CABIN1: variants seen among roughly 807,000 people sequenced by gnomAD.
The protein encoded by CABIN1 is calcineurin-binding protein cabin-1.
In CABIN1, 133 loss-of-function variants were observed where a neutral mutation model predicts 227.7. The ratio of observed to expected loss-of-function variants is 0.58; its 90% confidence interval spans 0.51 to 0.67. CABIN1 has a LOEUF of 0.67. Ranked by LOEUF, CABIN1 falls within the 30% of genes least tolerant of loss-of-function variation. The pLI is 0.00. For missense variants in CABIN1, 2,408 were observed against 2,852.5 expected (o/e 0.84, Z 3.55); for synonymous variants, 1,086 against 1,155.1 (o/e 0.94, Z 1.21).
rs370315046 is a variant in CABIN1 at position 24,168,411 on chromosome 22, C to T, written c.5683-36C>T. ...GGCTGGGGGAGGCTAACCACAATGG[C>T]CTGCGCCCCCTGACTTCCAGCATCT... On this transcript the variant is annotated intron_variant, in intron 32 of 36. Transcript: ENST00000263119. 2.7e-5 allele frequency: 42 copies of T among 1,549,632 alleles called. 1 individual carries two copies. The highest frequency in any genetic ancestry group is 1.7e-4 in the East Asian group (7 of 41,206).
intron 32 of CABIN1, 101 bp downstream of exon 32, chr22:24,167,414 CG>C: frequency 8.4e-7 from 1 of 1,192,270 alleles, no homozygotes; most frequent in Non-Finnish European, 1.2e-6. Context: ...GCCCTTGGGG[CG>C]GGTTTTAGGT....
At chr22:24,074,176 C>T (rs6004055) in intron 18 of CABIN1, among the ~76,000 whole-genome samples, 3 of 151,682 alleles carry the variant, frequency 2.0e-5, no homozygotes, top group Non-Finnish European at 2.9e-5. Context: ...AAAAATAACA[C>T]GAAAAGACTT....
At chr22:24,017,860 C>T (rs111870981) in intron 1 of CABIN1, among the ~76,000 whole-genome samples, 2,074 of 151,870 alleles carry the variant, frequency 0.014, 45 homozygotes, top group African/African-American at 0.047. Context: ...TGCTGTGTCC[C>T]TCAGTTGTAA....
chr22:24,059,199 C>G (rs775565562), intron 10 of CABIN1, 28 bp from the exon 11 acceptor site: 4 of 1,613,942 alleles, frequency 2.5e-6, no homozygotes, highest in Admixed American at 1.7e-5. Context: ...TGTGTTGTGA[C>G]TTTGTGATTT....
chr22:24,023,271 C>A (rs1199974631), intron 1 of CABIN1, among the ~76,000 whole-genome samples: 1 of 152,136 alleles, frequency 6.6e-6, no homozygotes, highest in East Asian at 1.9e-4. Flanking sequence ...TATTTGTATA[C>A]CACATTTTGT....
chr22:24,129,691 C>G (rs997865758), intron 28 of CABIN1, among the ~76,000 whole-genome samples: 1 of 152,208 alleles, frequency 6.6e-6, no homozygotes, highest in African/African-American at 2.4e-5. Flanking sequence ...GACAGCAGAC[C>G]CATCTGCGAG....
chr22:24,029,384 C>T (rs1045278051), intron 1 of CABIN1, among the ~76,000 whole-genome samples: 7 of 151,922 alleles, frequency 4.6e-5, no homozygotes, highest in African/African-American at 1.5e-4. Context: ...CCCGTCTCTA[C>T]AAAAAAACAA....
Position 24,049,177 on chromosome 22 carries a change from C to G in CABIN1, c.613C>G (p.Gln205Glu). ...LVLKEKIFEEQPCLRKDSLRM... is the reference protein window; with the variant it reads ...LVLKEKIFEEEPCLRKDSLRM... ...CCTCAAGGAGAAGATTTTTGAGGAG[C>G]AGCCTTGTCTCCGGAAGGACTCTCT... Residue 205 changes from glutamine (Q) to glutamate (E), a missense_variant, in exon 7 of 37, where the codon CAG (glutamine) becomes GAG (glutamate). This residue lies in a region of CABIN1 where 1,045 missense variants were observed against 1,168.4 expected (regional missense o/e 0.89). Coordinates refer to ENST00000263119, the MANE Select transcript of CABIN1 (RefSeq NM_012295.4). 2 of 1,614,108 alleles carry G rather than the reference C, an allele frequency of 1.2e-6. No individual in the cohort carries two copies. The highest frequency in any genetic ancestry group is 3.3e-5 in the Admixed American group (2 of 60,032).
chr22:24,026,200 C>A (rs971523765), intron 1 of CABIN1, among the ~76,000 whole-genome samples: 2 of 152,174 alleles, frequency 1.3e-5, no homozygotes, highest in African/African-American at 4.8e-5. Context: ...CCTCAAACTC[C>A]TGGGCTCAAG....
chr22:24,053,588 A>G (rs1353203087), intron 8 of CABIN1, among the ~76,000 whole-genome samples: 1 of 151,896 alleles, frequency 6.6e-6, no homozygotes, highest in Non-Finnish European at 1.5e-5. Flanking sequence ...CATGTTGGTC[A>G]GGCAGGTCTC....
At chr22:24,024,589 A>G (rs1333904388) in intron 1 of CABIN1, among the ~76,000 whole-genome samples, 1 of 152,116 alleles carries the variant, frequency 6.6e-6, no homozygotes, top group African/African-American at 2.4e-5. Flanking sequence ...TTCAGCCATT[A>G]TTTCTTCGAA....
intron 33 of CABIN1, among the ~76,000 whole-genome samples, chr22:24,169,306 G>T (rs916827592): frequency 6.6e-6 from 1 of 152,134 alleles, no homozygotes; most frequent in Admixed American, 6.5e-5. Context: ...GTCCCCAGGG[G>T]TGTCCCGATG....
intron 29 of CABIN1, among the ~76,000 whole-genome samples, chr22:24,160,850 T>C (rs756757113): frequency 1.3e-4 from 20 of 152,240 alleles, no homozygotes; most frequent in Admixed American, 6.5e-4. Flanking sequence ...CCCTCATAAA[T>C]GGACAGGGCA....
At chr22:24,051,012 C>T (rs1202779160) in intron 8 of CABIN1, 38 bp downstream of exon 8, 2 of 1,613,358 alleles carry the variant, frequency 1.2e-6, no homozygotes, top group Middle Eastern at 1.7e-4. Flanking sequence ...CTGGGTCGGC[C>T]AGTAGGCCCT....
chr22:24,143,967 G>T (rs920834924), intron 29 of CABIN1, among the ~76,000 whole-genome samples: 1 of 152,210 alleles, frequency 6.6e-6, no homozygotes, highest in African/African-American at 2.4e-5. Context: ...TCTGGGTGCC[G>T]GGAGAGAATG....
intron 29 of CABIN1, among the ~76,000 whole-genome samples, chr22:24,136,413 C>T (rs990066031): frequency 2.9e-5 from 4 of 137,212 alleles, no homozygotes; most frequent in African/African-American, 1.1e-4. Context: ...AGTGCAGTGG[C>T]GTAATCTTGG....
chr22:24,034,817 T>A (rs1465222424), intron 1 of CABIN1, among the ~76,000 whole-genome samples: 1 of 152,220 alleles, frequency 6.6e-6, no homozygotes, highest in Non-Finnish European at 1.5e-5. Context: ...TATTTTTCTA[T>A]TATCTTTCTA....
At chr22:24,156,155 T>A (rs1328546415) in intron 29 of CABIN1, 1 of 393,758 alleles carries the variant, frequency 2.5e-6, no homozygotes, top group Non-Finnish European at 4.5e-6. Context: ...CCGCTTCGCC[T>A]CCGCTGCCCG....
chr22:24,145,706 T>G (rs2045071503), intron 29 of CABIN1, among the ~76,000 whole-genome samples: 1 of 152,184 alleles, frequency 6.6e-6, no homozygotes, highest in Non-Finnish European at 1.5e-5. Context: ...GGCGCTAGGA[T>G]GCCTCTGAGG....
Sources: gnomAD v4.1 joint callset for allele counts (sites outside exome capture counted in the v4.1 genomes callset) on GRCh38, gnomAD v4.1.1 for gene constraint, gnomAD v4.1.1 regional missense constraint, MANE v1.5 for transcripts, NCBI Gene and HGNC (gene_info 2026-07-23, HGNC 2026-07-21) for gene names.